The following BICC1 variants were observed in gnomAD, a reference collection of about 807,000 sequenced individuals.
The protein encoded by BICC1 is BicC family RNA binding protein 1, also known as protein bicaudal C homolog 1.
BICC1 carries 43 observed loss-of-function variants against 111.0 expected under a neutral mutation model. That is an observed-to-expected ratio of 0.39 (90% CI 0.30 to 0.50). BICC1 has a LOEUF of 0.50. BICC1 is among the 20% of genes least tolerant of loss of function. The pLI, the probability that BICC1 is intolerant of heterozygous loss-of-function variation, is 0.88. For missense variants in BICC1, 1,091 were observed against 1,203.2 expected (o/e 0.91, Z 1.38); for synonymous variants, 467 against 434.4 (o/e 1.07, Z -0.93).
rs1844483722 is a variant in BICC1 at position 58,829,099 on chromosome 10, C to CT, written c.*214dup. On this transcript the variant is annotated 3_prime_UTR_variant, in exon 21 of 21. Coordinates refer to ENST00000373886, the MANE Select transcript of BICC1 (RefSeq NM_001080512.3). ...CATACAGAACACCAAATATGGATTA[C>CT]TTTTTTAAAATGGCAGTTGGACAGA... is the stretch of plus-strand genomic sequence containing the variant. 2.4e-6 allele frequency: 1 copy of CT among 421,098 alleles called. No homozygotes were observed. The highest frequency in any genetic ancestry group is 4.0e-6 in the Non-Finnish European group (1 of 250,222). The allele number at this position is 421,098 out of a possible 1,614,324, so 26.1% of individuals were successfully genotyped here.
intron 2 of BICC1, among the ~76,000 whole-genome samples, chr10:58,630,447 A>G (rs991080437): frequency 6.6e-6 from 1 of 152,078 alleles, no homozygotes; most frequent in African/African-American, 2.4e-5. Context: ...TTTTGTTTAA[A>G]GAGATGGGTT....
intron 3 of BICC1, among the ~76,000 whole-genome samples, chr10:58,759,687 C>T (rs1447522755): frequency 1.8e-4 from 28 of 152,040 alleles, no homozygotes; most frequent in Non-Finnish European, 4.0e-4. Flanking sequence ...AGGCCTGGCG[C>T]GGTGGCTCAC....
intron 2 of BICC1, among the ~76,000 whole-genome samples, chr10:58,653,679 C>T (rs1838524475): frequency 6.6e-6 from 1 of 150,502 alleles, no homozygotes; most frequent in Non-Finnish European, 1.5e-5. Context: ...ATTGTTCTTT[C>T]TTTTTTTTTT....
chr10:58,740,610 C>T (rs890275107), intron 3 of BICC1, among the ~76,000 whole-genome samples: 8 of 151,674 alleles, frequency 5.3e-5, no homozygotes, highest in Non-Finnish European at 7.4e-5. Flanking sequence ...AGAAAAAAAA[C>T]CTCTTTGGAA....
chr10:58,712,566 A>G (rs1840610318), intron 3 of BICC1, among the ~76,000 whole-genome samples: 1 of 152,254 alleles, frequency 6.6e-6, no homozygotes, highest in African/African-American at 2.4e-5. Context: ...GGAGGATTCA[A>G]TCTTAAATGC....
intron 2 of BICC1, among the ~76,000 whole-genome samples, chr10:58,666,258 C>T (rs573805051): frequency 6.6e-6 from 1 of 152,162 alleles, no homozygotes; most frequent in South Asian, 2.1e-4. Flanking sequence ...CTTGTTTGAA[C>T]ACAGGTTGAA....
chr10:58,570,229 T>C (rs747279900), intron 1 of BICC1, among the ~76,000 whole-genome samples: 3 of 152,162 alleles, frequency 2.0e-5, no homozygotes, highest in Non-Finnish European at 2.9e-5. Flanking sequence ...AGAGCCTTCG[T>C]TGGGAAATTT....
At position 58,799,225 on chromosome 10, in the gene BICC1, C is replaced by A. The variant is rs1589150423; in HGVS notation, c.1698C>A (p.Ile566=). Residue 566 remains isoleucine, a synonymous_variant, in exon 12 of 21, where the codon ATC becomes ATA. Coordinates refer to ENST00000373886, the MANE Select transcript of BICC1 (RefSeq NM_001080512.3). The part of the protein sequence containing the change: ...INSMQTEGKK[I]SAALNGHAQS... Reference sequence around the variant, plus strand: ...GTATGCAGACCGAAGGCAAAAAAATCTCTGCTGCTTTAAATGGACATGCAC... The same window carrying A: ...GTATGCAGACCGAAGGCAAAAAAATATCTGCTGCTTTAAATGGACATGCAC... The A allele has an allele frequency of 6.2e-7, 1 of 1,609,968 alleles. No individual in the cohort carries two copies. The highest frequency in any genetic ancestry group is 1.7e-4 in the Middle Eastern group (1 of 6,044).
chr10:58,808,716 A>T (rs1589160396), intron 17 of BICC1, among the ~76,000 whole-genome samples: 1 of 74,876 alleles, frequency 1.3e-5, no homozygotes, highest in Non-Finnish European at 2.9e-5. Flanking sequence ...ATTTAAAAAA[A>T]ATTTTTTTTT....
chr10:58,555,432 G>A (rs1266671173), intron 1 of BICC1, among the ~76,000 whole-genome samples: 2 of 150,608 alleles, frequency 1.3e-5, no homozygotes, highest in African/African-American at 2.4e-5. Flanking sequence ...TAGTAGTACT[G>A]GTGGAAATCT....
chr10:58,648,393 C>T (rs1347018370), intron 2 of BICC1: 1 of 415,452 alleles, frequency 2.4e-6, no homozygotes, highest in Non-Finnish European at 3.2e-6. Context: ...AATGTCATTT[C>T]TCTCTGTCCT....
chr10:58,525,790 A>G (rs1373846332), intron 1 of BICC1, among the ~76,000 whole-genome samples: 2 of 151,716 alleles, frequency 1.3e-5, no homozygotes, highest in African/African-American at 2.4e-5. Context: ...CCTAACAACC[A>G]TTTTCATTTT....
At chr10:58,573,623 G>A (rs11006187) in intron 1 of BICC1, among the ~76,000 whole-genome samples, 55,253 of 151,896 alleles carry the variant, frequency 0.36, 11,283 homozygotes, top group Admixed American at 0.56. Flanking sequence ...AGCAAATCTC[G>A]CAATGAATTC....
At chr10:58,751,617 G>A (rs1174571347) in intron 3 of BICC1, among the ~76,000 whole-genome samples, 1 of 151,998 alleles carries the variant, frequency 6.6e-6, no homozygotes, top group Non-Finnish European at 1.5e-5. Flanking sequence ...TAATATTACT[G>A]GAGAAGAATA....
At chr10:58,587,289 T>A (rs919096550) in intron 1 of BICC1, among the ~76,000 whole-genome samples, 1 of 152,202 alleles carries the variant, frequency 6.6e-6, no homozygotes, top group Admixed American at 6.5e-5. Context: ...TCCTGTCTTA[T>A]TGATCATAGT....
At chr10:58,647,487 C>A (rs1399890779) in intron 2 of BICC1, among the ~76,000 whole-genome samples, 1 of 152,030 alleles carries the variant, frequency 6.6e-6, no homozygotes. Flanking sequence ...ATTTTAATAC[C>A]ATAAAATGCT....
chr10:58,725,555 A>G (rs913693493), intron 3 of BICC1, among the ~76,000 whole-genome samples: 4 of 152,200 alleles, frequency 2.6e-5, no homozygotes, highest in Non-Finnish European at 4.4e-5. Context: ...TAGAGTGAAC[A>G]TACCATATCA....
chr10:58,796,602 G>T (rs1843362255), intron 10 of BICC1, 76 bp downstream of exon 10: 1 of 1,405,418 alleles, frequency 7.1e-7, no homozygotes, highest in Non-Finnish European at 9.6e-7. Context: ...TCTACCATTC[G>T]GGTCTACATT....
chr10:58,720,591 G>A (rs1472353702), intron 3 of BICC1, among the ~76,000 whole-genome samples: 1 of 152,148 alleles, frequency 6.6e-6, no homozygotes, highest in African/African-American at 2.4e-5. Context: ...GAGAGCTGGG[G>A]AGAATCATTA....
Sources: gnomAD v4.1 joint callset for allele counts (sites outside exome capture counted in the v4.1 genomes callset) on GRCh38, gnomAD v4.1.1 for gene constraint, MANE v1.5 for transcripts, NCBI Gene and HGNC (gene_info 2026-07-23, HGNC 2026-07-21) for gene names.